SNX2: variants seen among roughly 807,000 people sequenced by gnomAD.
SNX2 encodes the protein sorting nexin 2.
SNX2 carries 25 observed loss-of-function variants against 69.9 expected under a neutral mutation model. The observed-to-expected ratio is 0.36, with a 90% CI of 0.26 to 0.50. SNX2 has a LOEUF of 0.50. SNX2 is among the 20% of genes least tolerant of loss of function. The pLI is 0.97. For missense variants in SNX2, 551 were observed against 613.3 expected (o/e 0.90, Z 1.07); for synonymous variants, 229 against 200.4 (o/e 1.14, Z -1.20).
intron 6 of SNX2, among the ~76,000 whole-genome samples, chr5:122,805,307 A>C (rs1005540899): frequency 6.6e-6 from 1 of 150,962 alleles, no homozygotes; most frequent in African/African-American, 2.4e-5. Context: ...AAAAAAAAAA[A>C]GAATTTTGCT....
intron 7 of SNX2, 28 bp from the exon 8 acceptor site, chr5:122,815,868 A>G: frequency 7.8e-7 from 1 of 1,280,648 alleles, no homozygotes; most frequent in South Asian, 1.4e-5. Flanking sequence ...TGCTACTGAT[A>G]AAGGAGCAAT....
At position 122,775,087 on chromosome 5, in the gene SNX2, CGTTCG is replaced by C; in HGVS notation, c.-15_-11del. On this transcript the variant is annotated 5_prime_UTR_variant, in exon 1 of 15. Transcript: ENST00000379516. Reference sequence around the variant, plus strand: ...GTCCGCGAGGCCCAGCTCGCGCAGTCGTTCGGGTGAGCGAAGATGGCGGCCGAGAG... The same window carrying C: ...GTCCGCGAGGCCCAGCTCGCGCAGTCGGTGAGCGAAGATGGCGGCCGAGAG... 6.4e-7 allele frequency: 1 copy of C among 1,572,470 alleles called. No homozygotes were observed. Among genetic ancestry groups the C allele is most frequent in the South Asian group, 1.2e-5 (1 of 85,406 alleles).
At chr5:122,828,256 G>C (rs140804328) in intron 14 of SNX2, among the ~76,000 whole-genome samples, 2,122 of 152,112 alleles carry the variant, frequency 0.014, 22 homozygotes, top group Non-Finnish European at 0.018. Context: ...AAAATATGTG[G>C]ATCTAGAATG....
intron 1 of SNX2, among the ~76,000 whole-genome samples, chr5:122,782,242 A>T (rs1752995022): frequency 6.6e-6 from 1 of 150,962 alleles, no homozygotes; most frequent in Non-Finnish European, 1.5e-5. Context: ...TTATTTTTTT[A>T]TTTTATTTTA....
intron 1 of SNX2, chr5:122,775,870 G>GT: frequency 1.4e-6 from 1 of 724,416 alleles, no homozygotes; most frequent in Non-Finnish European, 1.7e-6. Flanking sequence ...GGAAACTGCT[G>GT]TTGTGTGTGT....
Position 122,818,797 on chromosome 5 carries a change from AT to A in SNX2, c.1007-20del. The stretch of plus-strand genomic sequence containing the variant: ...TTTTATGAGTGAACACTAAAATTGC[AT>A]ACTTTTTTTTAAATTTCAGAACTTT... On this transcript the variant is annotated intron_variant, in intron 10 of 14. Coordinates refer to ENST00000379516, the MANE Select transcript of SNX2 (RefSeq NM_003100.4). 1 of 1,601,190 alleles carries A rather than the reference AT, an allele frequency of 6.2e-7. No homozygotes were observed. Among genetic ancestry groups the A allele is most frequent in the East Asian group, 2.2e-5 (1 of 44,730 alleles).
At chr5:122,827,788 A>T in intron 14 of SNX2, 142 bp downstream of exon 14, 1 of 648,776 alleles carries the variant, frequency 1.5e-6, no homozygotes, top group South Asian at 2.1e-5. Flanking sequence ...GGTAAAGGAT[A>T]AAAGGGTAAA....
At chr5:122,785,157 A>G (rs1753057600) in intron 1 of SNX2, among the ~76,000 whole-genome samples, 1 of 151,982 alleles carries the variant, frequency 6.6e-6, no homozygotes, top group East Asian at 1.9e-4. Flanking sequence ...CTTCTCAAAC[A>G]ATTACCTTTT....
chr5:122,825,165 C>T (rs537003435), intron 11 of SNX2, among the ~76,000 whole-genome samples: 22 of 152,160 alleles, frequency 1.4e-4, no homozygotes, highest in African/African-American at 4.1e-4. Context: ...TAAAATAACT[C>T]GGGTTTAGTG....
chr5:122,775,326 A>G, intron 1 of SNX2, 115 bp downstream of exon 1: 1 of 1,408,114 alleles, frequency 7.1e-7, no homozygotes, highest in Non-Finnish European at 9.4e-7. Flanking sequence ...TCTTGGGGTG[A>G]CACCTGTGAC....
chr5:122,806,144 A>ACG lies in SNX2; in HGVS notation c.644-2132_644-2131insGC, dbSNP rs1411962572. 8.6e-3 allele frequency among the ~76,000 whole-genome samples: 77 copies of ACG among 8,948 alleles called. 1 individual carries two copies. The highest frequency in any genetic ancestry group is 0.083 in the Middle Eastern group (1 of 12). 5.9% of individuals were successfully genotyped at this position (8,948 alleles called of 152,430 possible). A position where few individuals can be genotyped will look rare whatever the true frequency, so the allele number is the denominator to read the frequency against. On this transcript the variant is annotated intron_variant, in intron 6 of 14. Coordinates refer to ENST00000379516, the MANE Select transcript of SNX2 (RefSeq NM_003100.4). ...TGTATATATATACACACGCGCGCGC[A>ACG]CACACACACACACACACACACACAG...
At chr5:122,811,470 AC>A (rs1453588610) in intron 7 of SNX2, among the ~76,000 whole-genome samples, 1 of 152,140 alleles carries the variant, frequency 6.6e-6, no homozygotes, top group African/African-American at 2.4e-5. Flanking sequence ...TTCAGTTGAA[AC>A]CTGTGCTAAT....
At chr5:122,823,653 T>C (rs1308840046) in intron 11 of SNX2, among the ~76,000 whole-genome samples, 1 of 152,160 alleles carries the variant, frequency 6.6e-6, no homozygotes, top group Non-Finnish European at 1.5e-5. Flanking sequence ...GATATGGCCC[T>C]GTTCCCCTAA....
intron 14 of SNX2, among the ~76,000 whole-genome samples, chr5:122,828,637 T>C (rs775014421): frequency 1.4e-4 from 21 of 152,170 alleles, no homozygotes; most frequent in Admixed American, 2.6e-4. Flanking sequence ...AGTTGTATTA[T>C]TTGCTTTAAT....
At chr5:122,815,770 TGA>T (rs1384163704) in intron 7 of SNX2, 124 bp from the exon 8 acceptor site, 3 of 448,020 alleles carry the variant, frequency 6.7e-6, no homozygotes, top group Non-Finnish European at 1.2e-5. Flanking sequence ...GTAATTACAG[TGA>T]GAGTAGTCTA....
intron 11 of SNX2, among the ~76,000 whole-genome samples, chr5:122,823,513 T>C (rs1373282286): frequency 6.6e-6 from 1 of 152,172 alleles, no homozygotes; most frequent in Non-Finnish European, 1.5e-5. Flanking sequence ...GAAAAGCCGG[T>C]TGATGTATAC....
intron 7 of SNX2, among the ~76,000 whole-genome samples, chr5:122,810,957 A>G (rs1753762613): frequency 6.6e-6 from 1 of 152,182 alleles, no homozygotes; most frequent in South Asian, 2.1e-4. Context: ...TTTATTTTTT[A>G]ATCTGTACAG....
In SNX2 at chr5:122,806,142, G is replaced by GCGCACGCGCGCACACACACA; in HGVS notation, c.644-2134_644-2133insGCACGCGCGCACACACACAC. Among the ~76,000 whole-genome samples the GCGCACGCGCGCACACACACA allele has an allele frequency of 5.5e-4, 72 of 130,648 alleles. 1 individual carries two copies. The highest frequency in any genetic ancestry group is 1.7e-3 in the African/African-American group (59 of 34,540). 85.7% of individuals were successfully genotyped at this position (130,648 alleles called of 152,430 possible). ...TGTGTATATATATACACACGCGCGC[G>GCGCACGCGCGCACACACACA]CACACACACACACACACACACACAC... On this transcript the variant is annotated intron_variant, in intron 6 of 14. Transcript: ENST00000379516.
intron 6 of SNX2, among the ~76,000 whole-genome samples, chr5:122,805,290 C>CAAAAA (rs767897080): frequency 1.1e-5 from 1 of 88,278 alleles, no homozygotes; most frequent in African/African-American, 4.3e-5. Context: ...GACTCCATCT[C>CAAAAA]AAAAAAAAAA....
Sources: allele counts gnomAD v4.1 joint callset (sites outside exome capture counted in the v4.1 genomes callset), GRCh38; gene constraint gnomAD v4.1.1; transcripts MANE v1.5; gene names NCBI Gene and HGNC (gene_info 2026-07-23, HGNC 2026-07-21).